Variants in SMC4 observed in about 807,000 individuals in gnomAD.
SMC4 encodes the protein structural maintenance of chromosomes protein 4.
A neutral mutation model predicts 145.6 loss-of-function variants in SMC4; 87 were observed. The ratio of observed to expected loss-of-function variants is 0.60; its 90% CI spans 0.50 to 0.71. SMC4 has a LOEUF of 0.71. Ranked by LOEUF, SMC4 falls within the 30% of genes least tolerant of loss-of-function variation. SMC4 has a pLI of 0.00. For synonymous variants in SMC4, 558 were observed against 500.7 expected (o/e 1.11, Z -1.53); for missense variants, 1,447 against 1,537.1 (o/e 0.94, Z 0.98).
In SMC4 at chr3:160,413,128, A is replaced by AT. The variant is rs1292415773; in HGVS notation, c.981-338dup. Among the ~76,000 whole-genome samples the AT allele has an allele frequency of 4.6e-5, 7 of 151,706 alleles. No homozygotes were observed. The East Asian group carries it at 9.7e-4, about 21-fold the overall frequency. ...TATTATTATTATTATTGTTGCTGGG[A>AT]TTTTTTTGTTTTTATTTTTTCTTTT... On this transcript the variant is annotated intron_variant, in intron 7 of 23. Coordinates refer to ENST00000357388, the MANE Select transcript of SMC4 (RefSeq NM_001002800.3).
At chr3:160,430,168 T>C (rs1429568142) in intron 18 of SMC4, among the ~76,000 whole-genome samples, 1 of 84,038 alleles carries the variant, frequency 1.2e-5, no homozygotes, top group Admixed American at 1.1e-4. Context: ...CCAGAGTGTT[T>C]TGCTCAGAGA....
intron 18 of SMC4, among the ~76,000 whole-genome samples, chr3:160,430,133 A>G (rs918297943): frequency 6.6e-6 from 1 of 152,202 alleles, no homozygotes; most frequent in Admixed American, 6.5e-5. Flanking sequence ...AATTGATTGC[A>G]TATTGATTAT....
chr3:160,432,279 A>C lies in SMC4; in HGVS notation c.3298-4A>C, dbSNP rs1445345634. On this transcript the variant is annotated splice_region_variant and splice_polypyrimidine_tract_variant and intron_variant, in intron 21 of 23. Coordinates refer to ENST00000357388, the MANE Select transcript of SMC4 (RefSeq NM_001002800.3). ...AGATTTTCCCTATCATAATCTTTTC[A>C]CAGGAAGAATTGTATTTGCAACGGG... The C allele has an allele frequency of 6.4e-7, 1 of 1,569,730 alleles. No individual in the cohort carries two copies. Among genetic ancestry groups the C allele is most frequent in the African/African-American group, 1.4e-5 (1 of 72,944 alleles).
chr3:160,423,889 CTTTA>C, intron 15 of SMC4, 49 bp downstream of exon 15: 1 of 1,472,420 alleles, frequency 6.8e-7, no homozygotes. Context: ...TTTTAAATAG[CTTTA>C]CCGAGGTATA....
chr3:160,428,905 A>G lies in SMC4; in HGVS notation c.2758A>G (p.Ile920Val), dbSNP rs758328968. The G allele has an allele frequency of 1.5e-5, 24 of 1,597,538 alleles. No homozygotes were observed. In the South Asian group the frequency reaches 2.3e-4, roughly 15 times the overall value. Reference sequence around the variant, plus strand: ...GCAATTAGATGAATGTGCTTCTGCTATTACTAAAGCCCAAGTAGCAATCAA... The same window carrying G: ...GCAATTAGATGAATGTGCTTCTGCTGTTACTAAAGCCCAAGTAGCAATCAA... Reference protein sequence around the residue: ...NKQLDECASAITKAQVAIKTA... With the variant: ...NKQLDECASAVTKAQVAIKTA... The change falls in exon 18 of 24, where the codon ATT becomes GTT. Residue 920 changes from isoleucine to valine, a missense_variant. Coordinates refer to ENST00000357388, the MANE Select transcript of SMC4 (RefSeq NM_001002800.3).
rs33999879 is a variant in SMC4, at chr3:160,413,559, A to G, written c.1067A>G (p.Asn356Ser). ...EDTKEINEKS[N>S]ILSNEMKAKN... ...ACCAAAGAAATTAATGAGAAGAGCA[A>G]TATACTATCAAATGAAATGAAAGCT... The change falls in exon 8 of 24, where the codon AAT becomes AGT. Residue 356 changes from asparagine (N) to serine (S), a missense_variant. Asn to Ser is a conservative substitution (Grantham distance 46). Transcript: ENST00000357388. 70,530 of 1,508,448 alleles carry G rather than the reference A, an allele frequency of 0.047. 2,005 individuals are homozygous for G. Among genetic ancestry groups the G allele is most frequent in the Middle Eastern group, 0.076 (440 of 5,754 alleles). 93.4% of individuals were successfully genotyped at this position (1,508,448 alleles called of 1,614,324 possible). A position where few individuals can be genotyped will look rare whatever the true frequency, so the allele number is the denominator to read the frequency against.
At chr3:160,408,982 A>G (rs764680408) in intron 5 of SMC4, among the ~76,000 whole-genome samples, 1 of 152,086 alleles carries the variant, frequency 6.6e-6, no homozygotes, top group African/African-American at 2.4e-5. Flanking sequence ...AAAAAAAGCA[A>G]TACGGTATAA....
At chr3:160,432,165 G>A in intron 21 of SMC4, 118 bp from the exon 22 acceptor site, 1 of 785,962 alleles carries the variant, frequency 1.3e-6, no homozygotes, top group Non-Finnish European at 2.0e-6. Context: ...TCGCGCCATT[G>A]CACTCCAGCC....
At chr3:160,425,199 CT>C (rs1207311517) in intron 16 of SMC4, among the ~76,000 whole-genome samples, 180 bp downstream of exon 16, 1 of 152,162 alleles carries the variant, frequency 6.6e-6, no homozygotes, top group Non-Finnish European at 1.5e-5. Context: ...AGATAACGCC[CT>C]GTCACAGTGT....
Position 160,411,989 on chromosome 3 carries a change from T to C in SMC4, c.757T>C (p.Tyr253His), listed in dbSNP as rs373684658. 9 of 1,613,720 alleles carry C rather than the reference T, an allele frequency of 5.6e-6. No individual in the cohort carries two copies. The African/African-American group carries it at 1.2e-4, about 22-fold the overall frequency. The change falls in exon 6 of 24, where the codon TAT (tyrosine) becomes CAT (histidine). Residue 253 changes from tyrosine to histidine, a missense_variant. By Grantham distance (83) the Tyr-to-His change is moderately conservative (BLOSUM62 2). Coordinates refer to ENST00000357388, the MANE Select transcript of SMC4 (RefSeq NM_001002800.3). ...QTEHDEGMLEYLEDIIGCGRL... is the reference protein window; with the variant it reads ...QTEHDEGMLEHLEDIIGCGRL... The stretch of plus-strand genomic sequence containing the variant: ...TGAACACGATGAGGGTATGCTTGAA[T>C]ATTTAGAAGATATAATTGGTTGTGG...
chr3:160,411,041 C>A (rs1240314157), intron 5 of SMC4, among the ~76,000 whole-genome samples: 1 of 152,186 alleles, frequency 6.6e-6, no homozygotes, highest in Non-Finnish European at 1.5e-5. Context: ...TACTCAGACA[C>A]AATTTTCTCT....
chr3:160,414,683 C>T, intron 9 of SMC4, 166 bp downstream of exon 9: 1 of 743,716 alleles, frequency 1.3e-6, no homozygotes, highest in Non-Finnish European at 2.1e-6. Context: ...AACCTTGCTT[C>T]TACTGACTTT....
intron 22 of SMC4, chr3:160,432,740 G>C (rs1018494615): frequency 3.8e-6 from 2 of 523,434 alleles, no homozygotes; most frequent in South Asian, 3.1e-5. Context: ...AATTTTCAAG[G>C]CATTTTTAAC....
intron 9 of SMC4, among the ~76,000 whole-genome samples, chr3:160,415,967 C>T (rs1051300789): frequency 6.6e-6 from 1 of 152,196 alleles, no homozygotes; most frequent in East Asian, 1.9e-4. Context: ...TAATTACAAC[C>T]TGAAATCAGG....
At chr3:160,423,281 C>A in intron 13 of SMC4, 144 bp from the exon 14 acceptor site, 1 of 612,156 alleles carries the variant, frequency 1.6e-6, no homozygotes, top group Non-Finnish European at 2.8e-6. Context: ...AGATGTCTTC[C>A]GTTTAGGTCT....
chr3:160,409,555 C>T (rs1166457339), intron 5 of SMC4, among the ~76,000 whole-genome samples: 1 of 152,168 alleles, frequency 6.6e-6, no homozygotes, highest in South Asian at 2.1e-4. Flanking sequence ...TTTTTGTCAG[C>T]GTAAACTGTT....
chr3:160,412,712 A>G (rs1716142254), intron 7 of SMC4: 2 of 768,034 alleles, frequency 2.6e-6, no homozygotes, highest in South Asian at 7.9e-5. Context: ...AAAAGGAATT[A>G]TGTGGTGAAC....
intron 5 of SMC4, among the ~76,000 whole-genome samples, chr3:160,408,844 A>T: frequency 6.6e-6 from 1 of 152,168 alleles, no homozygotes; most frequent in East Asian, 1.9e-4. Flanking sequence ...CAAAGAACAG[A>T]GCAACAAGAA....
chr3:160,413,799 CT>C (rs1188812171), intron 8 of SMC4, 186 bp downstream of exon 8: 2 of 404,700 alleles, frequency 4.9e-6, no homozygotes, highest in East Asian at 1.0e-4. Context: ...AAATTCCCTA[CT>C]CTGAAGTCTT....
Sources: gnomAD v4.1 joint callset for allele counts (sites outside exome capture counted in the v4.1 genomes callset) on GRCh38, gnomAD v4.1.1 for gene constraint, MANE v1.5 for transcripts, NCBI Gene and HGNC (gene_info 2026-07-23, HGNC 2026-07-21) for gene names.